Variants in LMAN1L observed in about 807,000 individuals in gnomAD.
The protein encoded by LMAN1L is protein ERGIC-53-like.
Under a neutral mutation model 58.3 loss-of-function variants are expected in LMAN1L, and 60 were observed. The ratio of observed to expected loss-of-function variants is 1.03; its 90% CI spans 0.84 to 1.27. The LOEUF is 1.27. Ranked by LOEUF, LMAN1L falls within the 50% of genes most tolerant of loss-of-function variation. LMAN1L has a pLI of 0.00. For synonymous variants in LMAN1L, 280 were observed against 271.6 expected, an observed-to-expected ratio of 1.03 and a Z score of -0.31; for missense variants, 629 against 674.0, an observed-to-expected ratio of 0.93 and a Z score of 0.74.
intron 1 of LMAN1L, among the ~76,000 whole-genome samples, chr15:74,814,661 G>A (rs565682453): frequency 4.6e-5 from 7 of 152,136 alleles, no homozygotes; most frequent in Admixed American, 6.5e-5. Flanking sequence ...GCGAGCCACC[G>A]CGCCCAGCCT....
At chr15:74,814,391 T>TTTTG in intron 1 of LMAN1L, among the ~76,000 whole-genome samples, 4 of 138,070 alleles carry the variant, frequency 2.9e-5, no homozygotes, top group Non-Finnish European at 6.3e-5. Context: ...TTTTTTTTTT[T>TTTTG]GAGACGGAGT....
rs1327613739 is a variant in LMAN1L at position 74,824,453 on chromosome 15, G to T, written c.1426G>T (p.Gly476Cys). ...GTTCTACCTCCTCATTCAGACTGTAGGCTTCTTCGGCTACGTGCACTTCAG... is the reference window on the plus strand; with the variant it reads ...GTTCTACCTCCTCATTCAGACTGTATGCTTCTTCGGCTACGTGCACTTCAG... ...FLFYLLIQTV[G>C]FFGYVHFRQE... The change falls in exon 13 of 14, where the codon GGC becomes TGC. Residue 476 changes from glycine (G) to cysteine (C), a missense_variant. Physicochemically the swap from Gly to Cys is radical, Grantham distance 159. Around this residue, in one of 3 missense-constraint regions of LMAN1L, gnomAD observed 3 missense variants for 17.0 expected, o/e 0.18. Coordinates refer to ENST00000309664, the MANE Select transcript of LMAN1L (RefSeq NM_021819.3). 6.2e-7 allele frequency: 1 copy of T among 1,614,210 alleles called. No individual in the cohort carries two copies. Among genetic ancestry groups the T allele is most frequent in the Non-Finnish European group, 8.5e-7 (1 of 1,180,022 alleles).
chr15:74,819,114 G>A (rs777226718), intron 5 of LMAN1L, 38 bp from the exon 6 acceptor site: 2 of 1,569,110 alleles, frequency 1.3e-6, no homozygotes, highest in South Asian at 2.4e-5. Flanking sequence ...CAGAGGTAGG[G>A]ACACCCCCCC....
At chr15:74,816,009 C>A in intron 1 of LMAN1L, 148 bp from the exon 2 acceptor site, 2 of 1,016,436 alleles carry the variant, frequency 2.0e-6, no homozygotes, top group Non-Finnish European at 2.8e-6. Context: ...TGGGCTCTGA[C>A]TCCTGCTTCC....
intron 11 of LMAN1L, 72 bp downstream of exon 11, chr15:74,822,781 C>A: frequency 8.8e-7 from 1 of 1,142,274 alleles, no homozygotes; most frequent in Non-Finnish European, 1.3e-6. Context: ...GCCCTTCATT[C>A]CTTCCATCAT....
intron 2 of LMAN1L, 55 bp from the exon 3 acceptor site, chr15:74,816,372 C>A: frequency 6.3e-7 from 1 of 1,599,218 alleles, no homozygotes; most frequent in South Asian, 1.1e-5. Context: ...GTGATGAGCC[C>A]CGGGGTCCCA....
intron 1 of LMAN1L, chr15:74,813,522 G>A (rs981841479): frequency 2.2e-6 from 1 of 455,106 alleles, no homozygotes; most frequent in African/African-American, 2.0e-5. Flanking sequence ...GTTGTGGGTG[G>A]AAGCAGGCAT....
chr15:74,813,188 T>C, intron 1 of LMAN1L, 159 bp downstream of exon 1: 1 of 730,544 alleles, frequency 1.4e-6, no homozygotes, highest in Admixed American at 2.2e-5. Context: ...TCCAGGCTTG[T>C]CTCCTGCTCC....
chr15:74,820,781 G>A lies in LMAN1L; in HGVS notation c.907+14G>A, dbSNP rs1352186037. On this transcript the variant is annotated intron_variant, in intron 8 of 13. Transcript: ENST00000309664. ...CTCAAGGAGAAGGTAGGGACCGAGA[G>A]AGCGGGCAGGTGGCGCCCATCTGAG... is the stretch of plus-strand genomic sequence containing the variant. The A allele has an allele frequency of 5.0e-6, 8 of 1,604,944 alleles. No individual in the cohort carries two copies. The highest frequency in any genetic ancestry group is 6.0e-6 in the Non-Finnish European group (7 of 1,175,090).
At chr15:74,822,063 G>A (rs572967537) in intron 10 of LMAN1L, among the ~76,000 whole-genome samples, 163 bp downstream of exon 10, 5 of 152,104 alleles carry the variant, frequency 3.3e-5, no homozygotes, top group Non-Finnish European at 5.9e-5. Flanking sequence ...TGGCTCACGC[G>A]TGTAATCCTA....
chr15:74,815,080 A>T (rs1212356974), intron 1 of LMAN1L, among the ~76,000 whole-genome samples: 1 of 152,214 alleles, frequency 6.6e-6, no homozygotes, highest in African/African-American at 2.4e-5. Context: ...GTTCACCCTG[A>T]TGTTCCTCTG....
At chr15:74,818,681 T>G in intron 4 of LMAN1L, 37 bp from the exon 5 acceptor site, 1 of 1,521,690 alleles carries the variant, frequency 6.6e-7, no homozygotes, top group Non-Finnish European at 9.0e-7. Context: ...GCAGCGACTC[T>G]TTCTCAAAAA....
rs1166376999 is a variant in LMAN1L, at chr15:74,825,679, C to T, written c.*74C>T. The T allele has an allele frequency of 6.7e-7, 1 of 1,497,010 alleles. No individual in the cohort carries two copies. The highest frequency in any genetic ancestry group is 1.4e-5 in the African/African-American group (1 of 72,714). 92.7% of individuals were successfully genotyped at this position (1,497,010 alleles called of 1,614,324 possible). A position where few individuals can be genotyped will look rare whatever the true frequency, so the allele number is the denominator to read the frequency against. ...GGTGGGGGCTTGGTCAGTATCCTCTCCGTCTGGGTGCCCAGCTCCCACGCA... is the reference window on the plus strand; with the variant it reads ...GGTGGGGGCTTGGTCAGTATCCTCTTCGTCTGGGTGCCCAGCTCCCACGCA... On this transcript the variant is annotated 3_prime_UTR_variant, in exon 14 of 14. Coordinates refer to ENST00000309664, the MANE Select transcript of LMAN1L (RefSeq NM_021819.3).
intron 6 of LMAN1L, 55 bp downstream of exon 6, chr15:74,819,327 C>A: frequency 6.3e-7 from 1 of 1,588,882 alleles, no homozygotes; most frequent in South Asian, 1.1e-5. Context: ...ATAAATCACC[C>A]TCAGCACACC....
intron 4 of LMAN1L, among the ~76,000 whole-genome samples, chr15:74,817,550 TC>T (rs1320210994): frequency 6.6e-6 from 1 of 152,122 alleles, no homozygotes; most frequent in Non-Finnish European, 1.5e-5. Context: ...TTCTCCTGAC[TC>T]CCCAGAGCCT....
chr15:74,814,499 G>T (rs12441444), intron 1 of LMAN1L, among the ~76,000 whole-genome samples: 1 of 149,866 alleles, frequency 6.7e-6, no homozygotes, highest in African/African-American at 2.4e-5. Context: ...TCAGTCTCCC[G>T]AGTAGCTGGG....
chr15:74,825,343 G>A (rs1412436190), intron 13 of LMAN1L, 133 bp from the exon 14 acceptor site: 1 of 957,378 alleles, frequency 1.0e-6, no homozygotes, highest in African/African-American at 1.6e-5. Flanking sequence ...CGGGCCAAAG[G>A]AGCCACAGAA....
chr15:74,817,868 C>A (rs952464747), intron 4 of LMAN1L, among the ~76,000 whole-genome samples: 5 of 152,048 alleles, frequency 3.3e-5, no homozygotes, highest in East Asian at 1.9e-4. Flanking sequence ...AAAAAATTAG[C>A]CGGGTGTGGT....
chr15:74,814,400 G>A (rs1596377409), intron 1 of LMAN1L, among the ~76,000 whole-genome samples: 3 of 130,172 alleles, frequency 2.3e-5, no homozygotes, highest in South Asian at 2.6e-4. Flanking sequence ...TTGAGACGGA[G>A]TCTCGTTCTG....
Sources: allele counts gnomAD v4.1 joint callset (sites outside exome capture counted in the v4.1 genomes callset), GRCh38; gene constraint gnomAD v4.1.1; regional missense constraint gnomAD v4.1.1; transcripts MANE v1.5; gene names NCBI Gene and HGNC (gene_info 2026-07-23, HGNC 2026-07-21).